The following DHX32 variants were observed in gnomAD, a reference collection of about 807,000 sequenced individuals.
The protein encoded by DHX32 is DEAH-box helicase 32 (putative).
A neutral mutation model predicts 70.0 loss-of-function variants in DHX32; 51 were observed. The ratio of observed to expected loss-of-function variants is 0.73; its 90% CI spans 0.58 to 0.92. DHX32 has a LOEUF of 0.92. DHX32 is among the 40% of genes least tolerant of loss of function. The pLI is 0.00. For missense variants in DHX32, 762 were observed against 891.8 expected (o/e 0.85, Z 1.85); for synonymous variants, 310 against 315.3 (o/e 0.98, Z 0.18).
intron 1 of DHX32, among the ~76,000 whole-genome samples, chr10:125,895,435 C>T (rs145141204): frequency 2.3e-4 from 32 of 139,602 alleles, no homozygotes; most frequent in East Asian, 8.8e-4. Flanking sequence ...CCTTAATGCC[C>T]CTGCACTTTC....
chr10:125,886,032 C>G (rs1343765292), upstream of DHX32, among the ~76,000 whole-genome samples: 9 of 152,228 alleles, frequency 5.9e-5, no homozygotes, highest in Non-Finnish European at 5.9e-5. Context: ...ACTGTATGAT[C>G]TGGACCCATC....
chr10:125,856,473 C>CGA, intron 3 of DHX32, among the ~76,000 whole-genome samples: 1 of 152,312 alleles, frequency 6.6e-6, no homozygotes, highest in South Asian at 2.1e-4. Flanking sequence ...ATTCAGGGCT[C>CGA]TAAGTCTCAA....
intron 3 of DHX32, 53 bp downstream of exon 3, chr10:125,859,550 G>A (rs1486696962): frequency 3.3e-6 from 5 of 1,509,012 alleles, no homozygotes; most frequent in Middle Eastern, 1.9e-4. Context: ...GTTATTAAAA[G>A]CTTCCCAAAT....
At chr10:125,853,867 A>G (rs1944122647) in intron 4 of DHX32, 94 bp downstream of exon 4, 3 of 1,465,642 alleles carry the variant, frequency 2.0e-6, no homozygotes, top group East Asian at 2.3e-5. Flanking sequence ...CACATAGTTC[A>G]TCCTCACTTC....
At chr10:125,870,180 T>C (rs1944247666) in intron 1 of DHX32, among the ~76,000 whole-genome samples, 1 of 152,036 alleles carries the variant, frequency 6.6e-6, no homozygotes. Flanking sequence ...GTCAGGAAGA[T>C]GGTCAATGTT....
At chr10:125,884,367 A>G (rs1944332305), upstream of DHX32, among the ~76,000 whole-genome samples, 1 of 152,254 alleles carries the variant, frequency 6.6e-6, no homozygotes, top group Non-Finnish European at 1.5e-5. Flanking sequence ...ATGGTAGGTT[A>G]GATGTCATTC....
chr10:125,879,546 A>G (rs1944305014), intron 1 of DHX32, among the ~76,000 whole-genome samples: 1 of 152,222 alleles, frequency 6.6e-6, no homozygotes, highest in South Asian at 2.1e-4. Context: ...TTCAGCCTAT[A>G]AAAGCTCACT....
intron 1 of DHX32, among the ~76,000 whole-genome samples, chr10:125,877,191 A>G (rs1484144313): frequency 6.6e-6 from 1 of 152,188 alleles, no homozygotes; most frequent in Non-Finnish European, 1.5e-5. Flanking sequence ...CATTTTTTCA[A>G]TGTTATTTGT....
chr10:125,873,223 T>C (rs2134067134), intron 1 of DHX32, among the ~76,000 whole-genome samples: 1 of 152,314 alleles, frequency 6.6e-6, no homozygotes, highest in South Asian at 2.1e-4. Context: ...CTTTCTGTCC[T>C]TTCCATCTAC....
rs1315774465 is a variant in DHX32, at chr10:125,847,932, GCCCC to G, written c.1351+4357_1351+4360del. ...GGAGCTCAGGCAGTAATGCTCGCTT[GCCCC>G]CCACTCACCTCCTGCTGTCCGGCCC... On this transcript the variant is annotated intron_variant, in intron 6 of 10. Coordinates refer to ENST00000284690, the MANE Select transcript of DHX32 (RefSeq NM_018180.3). Among the ~76,000 whole-genome samples, 3 of 152,124 alleles carry G rather than the reference GCCCC, an allele frequency of 2.0e-5. No homozygotes were observed. In the East Asian group the frequency reaches 5.8e-4, roughly 29 times the overall value.
chr10:125,851,508 C>G (rs1944088988), intron 6 of DHX32, among the ~76,000 whole-genome samples: 1 of 152,110 alleles, frequency 6.6e-6, no homozygotes, highest in Non-Finnish European at 1.5e-5. Context: ...AAGAAGATGC[C>G]TAGGAAATCA....
At chr10:125,880,506 C>G (rs7070216) in intron 1 of DHX32, 37 bp downstream of exon 1, 1 of 1,536,108 alleles carries the variant, frequency 6.5e-7, no homozygotes, top group African/African-American at 1.4e-5. Flanking sequence ...AAAAAATCAA[C>G]ACATACAGCA....
chr10:125,877,236 CTCA>C (rs1338987157), intron 1 of DHX32, among the ~76,000 whole-genome samples: 2 of 152,156 alleles, frequency 1.3e-5, no homozygotes, highest in Non-Finnish European at 2.9e-5. Context: ...TCAGTCAGTT[CTCA>C]TCGTTAGCTT....
At chr10:125,844,283 C>T (rs1020041741) in intron 6 of DHX32, among the ~76,000 whole-genome samples, 1 of 152,346 alleles carries the variant, frequency 6.6e-6, no homozygotes, top group Admixed American at 6.5e-5. Context: ...CTACTGAAAG[C>T]TTTTCAGAAA....
intron 1 of DHX32, among the ~76,000 whole-genome samples, 188 bp downstream of exon 1, chr10:125,880,352 ATAT>A (rs1944309547): frequency 6.6e-6 from 1 of 152,222 alleles, no homozygotes; most frequent in Non-Finnish European, 1.5e-5. Flanking sequence ...TTCTACATAG[ATAT>A]TATTAACTTT....
Position 125,866,083 on chromosome 10 carries a change from T to G in DHX32, c.476+907A>C, listed in dbSNP as rs1944218533. Among the ~76,000 whole-genome samples the G allele has an allele frequency of 6.6e-6, 1 of 152,226 alleles. No homozygotes were observed. Among genetic ancestry groups the G allele is most frequent in the African/African-American group, 2.4e-5 (1 of 41,474 alleles). ...TGCAGAAATACTGACCCCGAGATAC[T>G]TAGCTACTTGGCTCTTGGAGTGGTC... On this transcript the variant is annotated intron_variant, in intron 2 of 10. Coordinates refer to ENST00000284690, the MANE Select transcript of DHX32 (RefSeq NM_018180.3). This position sits in a 1 kb window ranked among gnomAD's most constrained non-coding sequence, Gnocchi z 4.8.
At chr10:125,890,323 CT>C (rs1944363143) in intron 1 of DHX32, among the ~76,000 whole-genome samples, 1 of 152,258 alleles carries the variant, frequency 6.6e-6, no homozygotes, top group Admixed American at 6.5e-5. Flanking sequence ...ATTACTAGGA[CT>C]TTTAGAAGGT....
chr10:125,871,373 T>C (rs936791772), intron 1 of DHX32, among the ~76,000 whole-genome samples: 1 of 152,160 alleles, frequency 6.6e-6, no homozygotes, highest in African/African-American at 2.4e-5. Flanking sequence ...AACATATCCA[T>C]ATCGTGCTTA....
At chr10:125,890,478 T>C (rs2134082742) in intron 1 of DHX32, 1 of 152,362 alleles carries the variant, frequency 6.6e-6, no homozygotes, top group East Asian at 1.9e-4. Flanking sequence ...TTTCTAGACT[T>C]GTAACGAGTT....
Sources: gnomAD v4.1 joint callset for allele counts (sites outside exome capture counted in the v4.1 genomes callset) on GRCh38, gnomAD v4.1.1 for gene constraint, Gnocchi (gnomAD v3.1) non-coding constraint, MANE v1.5 for transcripts, NCBI Gene and HGNC (gene_info 2026-07-23, HGNC 2026-07-21) for gene names.